MACC1: variants seen among roughly 807,000 people sequenced by gnomAD.
The protein encoded by MACC1 is MET transcriptional regulator MACC1.
MACC1 carries 79 observed loss-of-function variants against 70.7 expected under a neutral mutation model. The ratio of observed to expected loss-of-function variants is 1.12; its 90% confidence interval spans 0.93 to 1.35. MACC1 has a LOEUF of 1.35. Among genes scored for constraint, MACC1 ranks in the 40% most tolerant of loss-of-function variants. MACC1 has a pLI of 0.00. For missense variants in MACC1, 1,106 were observed against 978.1 expected (o/e 1.13, Z -1.74); for synonymous variants, 361 against 347.2 (o/e 1.04, Z -0.44).
intron 6 of MACC1, among the ~76,000 whole-genome samples, chr7:20,147,001 CGTGA>C (rs967894354): frequency 1.3e-5 from 2 of 152,064 alleles, no homozygotes; most frequent in African/African-American, 2.4e-5. Flanking sequence ...AGGGCAGCAG[CGTGA>C]GTAAGTATTT....
intron 1 of MACC1, among the ~76,000 whole-genome samples, chr7:20,211,271 T>C (rs1782992313): frequency 6.6e-6 from 1 of 152,024 alleles, no homozygotes; most frequent in Non-Finnish European, 1.5e-5. Flanking sequence ...CAAAATTAAT[T>C]AAATAATATA....
intron 1 of MACC1, among the ~76,000 whole-genome samples, chr7:20,194,042 TC>T (rs1256563051): frequency 2.6e-5 from 4 of 152,154 alleles, no homozygotes; most frequent in Non-Finnish European, 5.9e-5. Context: ...CTGCGGTGAC[TC>T]CTCACTTGCT....
chr7:20,173,906 G>C (rs1480103425), intron 1 of MACC1, among the ~76,000 whole-genome samples: 1 of 152,168 alleles, frequency 6.6e-6, no homozygotes, highest in Admixed American at 6.5e-5. Context: ...TGCGTCACAT[G>C]AGTATGTTCA....
chr7:20,189,793 A>AAGAG (rs533968483), intron 1 of MACC1, among the ~76,000 whole-genome samples: 2 of 151,246 alleles, frequency 1.3e-5, no homozygotes, highest in East Asian at 3.9e-4. Context: ...AGAGAGAAAA[A>AAGAG]AGAGAGAGAG....
chr7:20,168,393 A>C (rs1477191616), intron 2 of MACC1, among the ~76,000 whole-genome samples: 4 of 152,258 alleles, frequency 2.6e-5, no homozygotes, highest in Non-Finnish European at 5.9e-5. Flanking sequence ...ACCTATTAGC[A>C]GTAGTCCACA....
chr7:20,167,539 A>T (rs567306956), intron 2 of MACC1, among the ~76,000 whole-genome samples: 1 of 151,630 alleles, frequency 6.6e-6, no homozygotes, highest in South Asian at 2.1e-4. Flanking sequence ...AGTCTTAGGG[A>T]CATTATATGC....
At position 20,161,801 on chromosome 7, in the gene MACC1, G is replaced by A; in HGVS notation, c.62C>T (p.Ala21Val). ...SGRIAQSMSE[A>V]NLIDMEAGKL... ...TCCAGCTTCCATGTCAATCAAATTT[G>A]CTTCAGACATACTTTGTGCAATTCT... Residue 21 changes from alanine to valine, a missense_variant, in exon 4 of 7, where the codon GCA (alanine) becomes GTA (valine). Physicochemically the swap from Ala to Val is moderately conservative, Grantham distance 64 (BLOSUM62 0). Transcript: ENST00000400331. 1.9e-6 allele frequency: 3 copies of A among 1,612,366 alleles called. No individual in the cohort carries two copies. The highest frequency in any genetic ancestry group is 8.5e-7 in the Non-Finnish European group (1 of 1,178,908).
chr7:20,138,927 C>T lies in MACC1; in HGVS notation c.*2019G>A, dbSNP rs1307717332. 1 of 152,282 alleles carries T rather than the reference C, an allele frequency of 6.6e-6. No individual in the cohort carries two copies. Among genetic ancestry groups the T allele is most frequent in the Non-Finnish European group, 1.5e-5 (1 of 68,100 alleles). 9.4% of individuals were successfully genotyped at this position (152,282 alleles called of 1,614,324 possible). On this transcript the variant is annotated 3_prime_UTR_variant, in exon 7 of 7. Transcript: ENST00000400331. ...GACCTAGTGATCTGCCCGCCTCGGC[C>T]TCCCAAAGTGCTGGGATTTCAGGCA...
At position 20,159,987 on chromosome 7, in the gene MACC1, A is replaced by T; in HGVS notation, c.374T>A (p.Leu125Ter). Residue 125 changes from leucine to a stop codon, truncating the protein, a stop_gained, in exon 5 of 7, where the codon TTA becomes TAA. Coordinates refer to ENST00000400331, the MANE Select transcript of MACC1 (RefSeq NM_182762.4). LOFTEE classifies it high-confidence loss of function. ...ATTTCTTGAGGAAGTCTGCCTAAGTAACTGATGCACATCAAGTTCATCACC... is the reference window on the plus strand; with the variant it reads ...ATTTCTTGAGGAAGTCTGCCTAAGTTACTGATGCACATCAAGTTCATCACC... Reference protein sequence around the residue: ...SSGDELDVHQLLRQTSSRNSG... With the variant: ...SSGDELDVHQ The T allele has an allele frequency of 6.2e-7, 1 of 1,614,108 alleles. No individual in the cohort carries two copies. Among genetic ancestry groups the T allele is most frequent in the Non-Finnish European group, 8.5e-7 (1 of 1,179,998 alleles).
At chr7:20,203,705 T>G (rs922581323) in intron 1 of MACC1, among the ~76,000 whole-genome samples, 15 of 152,190 alleles carry the variant, frequency 9.9e-5, no homozygotes, top group African/African-American at 3.6e-4. Flanking sequence ...TATTGCAACT[T>G]GGAAGTCAGC....
At position 20,203,648 on chromosome 7, in the gene MACC1, A is replaced by C. The variant is rs536531478; in HGVS notation, c.-218+13651T>G. ...CTCTGGATTGGGATAGTCCTTCAAA[A>C]ATCATTCTCACAAAATCCTCTCAGT... On this transcript the variant is annotated intron_variant, in intron 1 of 6. Transcript: ENST00000400331. Among the ~76,000 whole-genome samples the C allele has an allele frequency of 3.9e-5, 6 of 152,290 alleles. No homozygotes were observed. In the South Asian group the frequency reaches 1.2e-3, roughly 32 times the overall value.
At chr7:20,171,808 C>T (rs1231539847) in intron 1 of MACC1, among the ~76,000 whole-genome samples, 2 of 152,062 alleles carry the variant, frequency 1.3e-5, no homozygotes, top group African/African-American at 2.4e-5. Flanking sequence ...TCTCGAACTC[C>T]CTACCTCAGG....
At position 20,159,570 on chromosome 7, in the gene MACC1, T is replaced by C. The variant is rs1400250082; in HGVS notation, c.791A>G (p.Asp264Gly). ...FLDPPHMLNH[D>G]LSCTVSPLLE... is the part of the protein sequence containing the mutation. The stretch of plus-strand genomic sequence containing the variant: ...CAACGGGCTCACAGTGCACGAAAGA[T>C]CATGGTTAAGCATGTGTGGCGGATC... Residue 264 changes from aspartate to glycine, a missense_variant, in exon 5 of 7, where the codon GAT (aspartate) becomes GGT (glycine). Coordinates refer to ENST00000400331, the MANE Select transcript of MACC1 (RefSeq NM_182762.4). The C allele has an allele frequency of 6.2e-7, 1 of 1,614,138 alleles. No individual in the cohort carries two copies. Among genetic ancestry groups the C allele is most frequent in the Non-Finnish European group, 8.5e-7 (1 of 1,180,026 alleles).
At chr7:20,205,536 A>T (rs1331734580) in intron 1 of MACC1, among the ~76,000 whole-genome samples, 1 of 152,118 alleles carries the variant, frequency 6.6e-6, no homozygotes, top group East Asian at 1.9e-4. Flanking sequence ...GTGAAAAGAA[A>T]GTTTGTTTCT....
Position 20,159,697 on chromosome 7 carries a change from C to T in MACC1, c.664G>A (p.Gly222Arg), listed in dbSNP as rs768468841. 8.7e-6 allele frequency: 14 copies of T among 1,614,006 alleles called. No individual in the cohort carries two copies. In the South Asian group the frequency reaches 1.4e-4, roughly 16 times the overall value. The change falls in exon 5 of 7, where the codon GGA becomes AGA. Residue 222 changes from glycine to arginine, a missense_variant. Transcript: ENST00000400331. ...GATTCAGGTAATTGTACTGACCCTC[C>T]TTGATGGTTTACTTTGCAAGCTATG... ...VTIACKVNHQ[G>R]GSVQLPESDI...
intron 4 of MACC1, among the ~76,000 whole-genome samples, chr7:20,161,214 G>C (rs1214937909): frequency 6.6e-6 from 1 of 151,998 alleles, no homozygotes; most frequent in Non-Finnish European, 1.5e-5. Context: ...CAAATTTTCA[G>C]AAGTTCTACT....
intron 1 of MACC1, among the ~76,000 whole-genome samples, chr7:20,178,503 G>C (rs1415773969): frequency 1.3e-5 from 2 of 152,124 alleles, no homozygotes; most frequent in Admixed American, 1.3e-4. Context: ...TTCTTTTGTA[G>C]GCAGTTTTTT....
chr7:20,142,719 C>T (rs1376621020), intron 6 of MACC1, among the ~76,000 whole-genome samples: 1 of 152,168 alleles, frequency 6.6e-6, no homozygotes, highest in African/African-American at 2.4e-5. Context: ...TGTCGCTGCT[C>T]AGTTGCAAAG....
chr7:20,189,288 C>T (rs1280118155), intron 1 of MACC1, among the ~76,000 whole-genome samples: 2 of 152,072 alleles, frequency 1.3e-5, no homozygotes, highest in Non-Finnish European at 2.9e-5. Flanking sequence ...ATTTTATGTC[C>T]TATCTCACCA....
Sources: gnomAD v4.1 joint callset for allele counts (sites outside exome capture counted in the v4.1 genomes callset) on GRCh38, gnomAD v4.1.1 for gene constraint, MANE v1.5 for transcripts, NCBI Gene and HGNC (gene_info 2026-07-23, HGNC 2026-07-21) for gene names.